Variants in PARG observed in about 807,000 individuals in gnomAD.
PARG encodes poly(ADP-ribose) glycohydrolase, also known as mitochondrial poly(ADP-ribose) glycohydrolase.
In PARG, 35 loss-of-function variants were observed where a neutral mutation model predicts 113.0. The observed-to-expected ratio is 0.31, with a 90% confidence interval of 0.24 to 0.41. The LOEUF (loss-of-function observed/expected upper bound fraction) is 0.41, where lower values mean the gene tolerates loss of function less well. Ranked by LOEUF, PARG falls within the 10% of genes least tolerant of loss-of-function variation. The pLI, the probability that PARG is intolerant of heterozygous loss-of-function variation, is 1.00. For missense variants in PARG, 797 were observed against 1,169.4 expected (o/e 0.68, Z 4.64); for synonymous variants, 330 against 409.9 (o/e 0.81, Z 2.36).
At chr10:49,931,748 C>T (rs1378330160) in intron 4 of PARG, among the ~76,000 whole-genome samples, 1 of 146,100 alleles carries the variant, frequency 6.8e-6, no homozygotes, top group African/African-American at 2.5e-5. Context: ...GGACACTAAA[C>T]CATACGTAAT....
At position 49,932,127 on chromosome 10, in the gene PARG, T is replaced by G; in HGVS notation, c.1428A>C (p.Pro476=). The change falls in exon 4 of 18, where the codon CCA becomes CCC. Residue 476 remains proline (P), a synonymous_variant. Transcript: ENST00000616448. ...GAATAGTTACTGTGTGATTGGCAGA[T>G]GGTCTCAAGAGAGGCAGCCGGATCC... ...RCGIRLPLLR[P]SANHTVTIRV... The G allele has an allele frequency of 6.2e-7, 1 of 1,603,744 alleles. No homozygotes were observed. Among genetic ancestry groups the G allele is most frequent in the East Asian group, 2.2e-5 (1 of 44,834 alleles).
chr10:49,892,363 T>A (rs146980037), intron 7 of PARG, among the ~76,000 whole-genome samples: 10,574 of 152,146 alleles, frequency 0.069, 511 homozygotes, highest in African/African-American at 0.12. Flanking sequence ...TCCCCAAACT[T>A]CTTCTGAGAA....
chr10:49,895,817 A>G (rs1185397033), intron 7 of PARG, among the ~76,000 whole-genome samples: 1 of 152,170 alleles, frequency 6.6e-6, no homozygotes, highest in Non-Finnish European at 1.5e-5. Context: ...TCTTCAAGAT[A>G]CTGGTCTTAC....
At chr10:49,858,623 C>T (rs1846107583) in intron 12 of PARG, among the ~76,000 whole-genome samples, 1 of 134,902 alleles carries the variant, frequency 7.4e-6, no homozygotes, top group Non-Finnish European at 1.6e-5. Context: ...CTTCTTTTAC[C>T]ACAGGAGAAC....
chr10:49,840,242 G>C (rs550480234), intron 15 of PARG, among the ~76,000 whole-genome samples: 4 of 151,966 alleles, frequency 2.6e-5, no homozygotes, highest in Non-Finnish European at 4.4e-5. Flanking sequence ...AGAAAAATTA[G>C]CCAGGTGTGG....
chr10:49,920,385 T>C (rs1485486676), intron 6 of PARG, among the ~76,000 whole-genome samples: 3 of 147,650 alleles, frequency 2.0e-5, no homozygotes, highest in African/African-American at 7.5e-5. Flanking sequence ...AAGCAGAGGT[T>C]GCAGTGAGCT....
intron 7 of PARG, among the ~76,000 whole-genome samples, chr10:49,901,213 G>A (rs1253779487): frequency 6.6e-6 from 1 of 150,524 alleles, no homozygotes; most frequent in Non-Finnish European, 1.5e-5. Context: ...TGGGCTCAAG[G>A]GATCCTCCTG....
At chr10:49,891,133 T>C (rs1391494730) in intron 7 of PARG, among the ~76,000 whole-genome samples, 1 of 152,024 alleles carries the variant, frequency 6.6e-6, no homozygotes, top group Non-Finnish European at 1.5e-5. Context: ...GCTAACATGG[T>C]GAAACCCTAT....
At chr10:49,825,079 T>G (rs781863055) in intron 16 of PARG, among the ~76,000 whole-genome samples, 5 of 152,098 alleles carry the variant, frequency 3.3e-5, no homozygotes, top group East Asian at 1.9e-4. Context: ...CTTTGTGAGC[T>G]CTCACATTTT....
At chr10:49,937,368 C>T (rs1367836313) in intron 1 of PARG, among the ~76,000 whole-genome samples, 366 of 151,448 alleles carry the variant, frequency 2.4e-3, no homozygotes, top group African/African-American at 8.4e-3. Context: ...CCCAGCTACT[C>T]GGGAGGCTGA....
intron 7 of PARG, among the ~76,000 whole-genome samples, chr10:49,899,861 A>T (rs1344323272): frequency 3.9e-5 from 6 of 152,224 alleles, no homozygotes; most frequent in African/African-American, 1.2e-4. Flanking sequence ...TTATGACTCA[A>T]ATCTGGGAAA....
chr10:49,856,735 C>T (rs1323230300), intron 13 of PARG, among the ~76,000 whole-genome samples: 11 of 152,070 alleles, frequency 7.2e-5, no homozygotes, highest in East Asian at 1.9e-4. Flanking sequence ...AACTGCCAAG[C>T]GTGGTGGCTC....
intron 7 of PARG, among the ~76,000 whole-genome samples, chr10:49,909,176 T>C (rs1837028511): frequency 6.6e-6 from 1 of 152,212 alleles, no homozygotes; most frequent in African/African-American, 2.4e-5. Context: ...GATGCTCAAG[T>C]GATGCATAAA....
intron 13 of PARG, among the ~76,000 whole-genome samples, chr10:49,846,672 A>C (rs1303656946): frequency 3.3e-5 from 5 of 152,134 alleles, no homozygotes; most frequent in African/African-American, 1.2e-4. Context: ...AATTATGGAA[A>C]GGGGGAAAGA....
chr10:49,901,626 G>T (rs1375255281), intron 7 of PARG, among the ~76,000 whole-genome samples: 1 of 151,978 alleles, frequency 6.6e-6, no homozygotes, highest in Non-Finnish European at 1.5e-5. Flanking sequence ...AAAGGCTTGA[G>T]GACACTCTCT....
chr10:49,910,265 C>T (rs1355559023), intron 7 of PARG, among the ~76,000 whole-genome samples: 1 of 152,100 alleles, frequency 6.6e-6, no homozygotes, highest in African/African-American at 2.4e-5. Context: ...TTAATAACTA[C>T]AGCGAAGACA....
intron 7 of PARG, among the ~76,000 whole-genome samples, chr10:49,891,324 A>G (rs1847769661): frequency 6.6e-6 from 1 of 151,980 alleles, no homozygotes; most frequent in Non-Finnish European, 1.5e-5. Flanking sequence ...AAAAATAAAT[A>G]AATAAAAAAT....
intron 16 of PARG, among the ~76,000 whole-genome samples, chr10:49,827,896 T>C (rs1330658604): frequency 4.6e-5 from 7 of 151,942 alleles, no homozygotes; most frequent in African/African-American, 7.3e-5. Flanking sequence ...GTAGAAATAG[T>C]ATTATCTACA....
intron 15 of PARG, among the ~76,000 whole-genome samples, chr10:49,839,492 G>A (rs1323506394): frequency 3.3e-5 from 5 of 152,062 alleles, no homozygotes; most frequent in Admixed American, 6.6e-5. Flanking sequence ...TGTATAAAAC[G>A]CCCCTCATTA....
Sources: gnomAD v4.1 joint callset for allele counts (sites outside exome capture counted in the v4.1 genomes callset) on GRCh38, gnomAD v4.1.1 for gene constraint, MANE v1.5 for transcripts, NCBI Gene and HGNC (gene_info 2026-07-23, HGNC 2026-07-21) for gene names.